ATRNL1: variants seen among roughly 807,000 people sequenced by gnomAD.
ATRNL1 encodes the protein attractin-like protein 1.
A neutral mutation model predicts 182.7 loss-of-function variants in ATRNL1; 95 were observed. That is an observed-to-expected ratio of 0.52 (90% CI 0.44 to 0.62). The LOEUF (loss-of-function observed/expected upper bound fraction) is 0.62. Among genes scored for constraint, ATRNL1 ranks in the 20% least tolerant of loss-of-function variants. The probability of loss-of-function intolerance (pLI) is 0.00; values close to 1 mark genes in which losing one functional copy is unlikely to be tolerated. For missense variants in ATRNL1, 1,471 were observed against 1,679.5 expected, an observed-to-expected ratio of 0.88 and a Z score of 2.17; for synonymous variants, 576 against 568.3, an observed-to-expected ratio of 1.01 and a Z score of -0.19.
intron 19 of ATRNL1, among the ~76,000 whole-genome samples, chr10:115,376,667 T>C (rs569516069): frequency 2.0e-4 from 30 of 152,320 alleles, no homozygotes; most frequent in African/African-American, 7.2e-4. Context: ...TTTTTGACTT[T>C]TGACAATTTT....
At chr10:115,547,663 A>G (rs1554994209) in intron 25 of ATRNL1, among the ~76,000 whole-genome samples, 1 of 152,168 alleles carries the variant, frequency 6.6e-6, no homozygotes, top group East Asian at 1.9e-4. Context: ...CATTTAACCT[A>G]TATTAGGTTA....
chr10:115,831,803 G>A (rs1950568446), intron 27 of ATRNL1, among the ~76,000 whole-genome samples: 1 of 148,696 alleles, frequency 6.7e-6, no homozygotes, highest in African/African-American at 2.5e-5. Context: ...AAAAAGCTTT[G>A]TCAATTGTTA....
intron 1 of ATRNL1, among the ~76,000 whole-genome samples, chr10:115,097,803 AG>A (rs2143383036): frequency 6.6e-6 from 1 of 152,282 alleles, no homozygotes; most frequent in East Asian, 1.9e-4. Context: ...ACGCACCTGT[AG>A]TCCCAGTTAC....
intron 18 of ATRNL1, among the ~76,000 whole-genome samples, chr10:115,321,776 A>C (rs1305701487): frequency 6.6e-6 from 1 of 151,874 alleles, no homozygotes; most frequent in East Asian, 1.9e-4. Flanking sequence ...GCAATTAGGC[A>C]AAAGCAAGAA....
At chr10:115,745,676 TA>T (rs540741773) in intron 27 of ATRNL1, among the ~76,000 whole-genome samples, 198 of 152,302 alleles carry the variant, frequency 1.3e-3, no homozygotes, top group African/African-American at 4.4e-3. Flanking sequence ...TGTGTGATGG[TA>T]TCTTGTTGTA....
At chr10:115,883,012 A>G (rs1951861554) in intron 28 of ATRNL1, among the ~76,000 whole-genome samples, 1 of 152,186 alleles carries the variant, frequency 6.6e-6, no homozygotes, top group Middle Eastern at 3.2e-3. Flanking sequence ...CACCACTGTC[A>G]TGGTCTATCA....
At chr10:115,278,483 A>G (rs1184314050) in intron 13 of ATRNL1, among the ~76,000 whole-genome samples, 3 of 152,244 alleles carry the variant, frequency 2.0e-5, no homozygotes, top group Non-Finnish European at 4.4e-5. Context: ...TTGATTGGCT[A>G]CAGGTCACCA....
At chr10:115,920,366 C>T (rs1953013759) in intron 28 of ATRNL1, among the ~76,000 whole-genome samples, 1 of 152,212 alleles carries the variant, frequency 6.6e-6, no homozygotes, top group Non-Finnish European at 1.5e-5. Context: ...TGCTGCTACT[C>T]ATGGAACTCA....
intron 9 of ATRNL1, among the ~76,000 whole-genome samples, chr10:115,232,439 C>T (rs1592296048): frequency 6.6e-6 from 1 of 152,058 alleles, no homozygotes; most frequent in East Asian, 1.9e-4. Flanking sequence ...GTTTGTGTAC[C>T]CTTTTTTGAT....
chr10:115,788,107 C>G (rs1478970315), intron 27 of ATRNL1, among the ~76,000 whole-genome samples: 1 of 152,198 alleles, frequency 6.6e-6, no homozygotes, highest in Non-Finnish European at 1.5e-5. Flanking sequence ...CACCATACTC[C>G]TAACAAAAAT....
At chr10:115,443,515 ATTTTTAC>A (rs1846803746) in intron 21 of ATRNL1, among the ~76,000 whole-genome samples, 1 of 151,358 alleles carries the variant, frequency 6.6e-6, no homozygotes, top group Non-Finnish European at 1.5e-5. Flanking sequence ...TTTATTTTGT[ATTTTTAC>A]TTTTTATATA....
intron 1 of ATRNL1, among the ~76,000 whole-genome samples, chr10:115,103,974 G>T (rs1366732186): frequency 6.6e-6 from 1 of 152,080 alleles, no homozygotes; most frequent in Non-Finnish European, 1.5e-5. Flanking sequence ...TCCAAATTTT[G>T]GCTGTTGTGA....
intron 21 of ATRNL1, among the ~76,000 whole-genome samples, chr10:115,454,434 T>TA (rs1188663107): frequency 2.0e-5 from 3 of 152,008 alleles, no homozygotes; most frequent in African/African-American, 4.8e-5. Context: ...TCTATTTATG[T>TA]AAAAAAAGGC....
At chr10:115,844,340 C>T (rs982171182) in intron 27 of ATRNL1, among the ~76,000 whole-genome samples, 44 of 152,056 alleles carry the variant, frequency 2.9e-4, no homozygotes, top group Non-Finnish European at 5.9e-4. Flanking sequence ...AGTGGAAGAA[C>T]AAGTAGCCAG....
chr10:115,214,301 T>G (rs948814506), intron 8 of ATRNL1, among the ~76,000 whole-genome samples: 2 of 104,392 alleles, frequency 1.9e-5, no homozygotes, highest in Non-Finnish European at 4.4e-5. Context: ...TGAAAATCTT[T>G]TAGTTCAAAT....
At chr10:115,405,550 T>C (rs995887461) in intron 20 of ATRNL1, among the ~76,000 whole-genome samples, 1 of 152,206 alleles carries the variant, frequency 6.6e-6, no homozygotes, top group Non-Finnish European at 1.5e-5. Context: ...TTATTGTTAA[T>C]AATGTTTGTC....
chr10:115,783,009 TATTTC>T (rs1949303936), intron 27 of ATRNL1, among the ~76,000 whole-genome samples: 2 of 152,204 alleles, frequency 1.3e-5, no homozygotes, highest in South Asian at 4.1e-4. Context: ...AAATCTTAAA[TATTTC>T]ATTTAAGGAT....
chr10:115,291,928 G>T lies in ATRNL1; in HGVS notation c.2415+5531G>T, dbSNP rs189610417. ...TCAGTTCTTTGAAATAATTTGAGAA[G>T]AATTGGTTTTAATTATTTTTGAAAG... is the stretch of plus-strand genomic sequence containing the variant. On this transcript the variant is annotated intron_variant, in intron 15 of 28. Transcript: ENST00000355044. Among the ~76,000 whole-genome samples the T allele has an allele frequency of 1.3e-3, 189 of 151,174 alleles. 1 individual carries two copies. The highest frequency in any genetic ancestry group is 2.6e-3 in the East Asian group (13 of 5,084).
chr10:115,219,975 T>C (rs889296000), intron 9 of ATRNL1, among the ~76,000 whole-genome samples: 3 of 152,120 alleles, frequency 2.0e-5, no homozygotes, highest in South Asian at 4.1e-4. Flanking sequence ...CTGAAAAATA[T>C]ATTGCACAAA....
Sources: gnomAD v4.1 joint callset for allele counts (sites outside exome capture counted in the v4.1 genomes callset) on GRCh38, gnomAD v4.1.1 for gene constraint, MANE v1.5 for transcripts, NCBI Gene and HGNC (gene_info 2026-07-23, HGNC 2026-07-21) for gene names.